CTPS1: variants seen among roughly 807,000 people sequenced by gnomAD.
CTPS1 encodes the protein CTP synthetase 1.
CTPS1 carries 25 observed loss-of-function variants against 80.5 expected under a neutral mutation model. The ratio of observed to expected loss-of-function variants is 0.31; its 90% CI spans 0.23 to 0.43. The LOEUF is 0.43. Ranked by LOEUF, CTPS1 falls within the 20% of genes least tolerant of loss-of-function variation. CTPS1 has a pLI of 1.00. For synonymous variants in CTPS1, 267 were observed against 252.5 expected (o/e 1.06, Z -0.54); for missense variants, 442 against 725.7 (o/e 0.61, Z 4.49).
intron 16 of CTPS1, 98 bp downstream of exon 16, chr1:41,008,988 CAG>C (rs1199187790): frequency 1.0e-6 from 1 of 974,346 alleles, no homozygotes; most frequent in South Asian, 1.4e-5. Context: ...CCTGACCTAA[CAG>C]AATTAGGAAG....
chr1:41,012,371 C>T lies in CTPS1; in HGVS notation c.*723C>T, dbSNP rs965631175. The T allele has an allele frequency of 2.0e-5, 3 of 152,306 alleles. No homozygotes were observed. The highest frequency in any genetic ancestry group is 2.9e-5 in the Non-Finnish European group (2 of 68,028). The allele number at this position is 152,306 out of a possible 1,614,324, so 9.4% of individuals were successfully genotyped here. On this transcript the variant is annotated 3_prime_UTR_variant, in exon 19 of 19. Coordinates refer to ENST00000650070, the MANE Select transcript of CTPS1 (RefSeq NM_001905.4). ...CTTTTGGGGGAAACTTCCTCTAAAA[C>T]CCTCTCATATATAGACAGCTTTGAC...
intron 4 of CTPS1, 128 bp from the exon 5 acceptor site, chr1:40,988,466 T>G: frequency 1.5e-6 from 1 of 661,992 alleles, no homozygotes; most frequent in Non-Finnish European, 2.7e-6. Flanking sequence ...ACTAACATTA[T>G]ACAGGGTTAG....
intron 14 of CTPS1, among the ~76,000 whole-genome samples, chr1:41,008,160 G>A (rs1286917498): frequency 6.6e-5 from 10 of 152,130 alleles, no homozygotes; most frequent in Admixed American, 5.2e-4. Flanking sequence ...TGGGGATCTC[G>A]AGGCAACTGT....
chr1:40,992,574 T>G (rs943361279), intron 7 of CTPS1, among the ~76,000 whole-genome samples: 4 of 152,094 alleles, frequency 2.6e-5, no homozygotes, highest in Admixed American at 2.0e-4. Context: ...GAAATTCTAG[T>G]GGTGATACAT....
At chr1:40,992,091 C>T (rs144889320) in intron 7 of CTPS1, among the ~76,000 whole-genome samples, 43 of 152,264 alleles carry the variant, frequency 2.8e-4, no homozygotes, top group African/African-American at 9.9e-4. Context: ...TTCGGTTCCC[C>T]TAGTACCCTC....
intron 2 of CTPS1, 22 bp downstream of exon 2, chr1:40,983,478 A>T: frequency 6.3e-7 from 1 of 1,576,846 alleles, no homozygotes; most frequent in Non-Finnish European, 8.6e-7. Context: ...GGATTTCTTC[A>T]TAATAATTGC....
chr1:40,986,700 G>A (rs781181691), intron 3 of CTPS1, among the ~76,000 whole-genome samples: 2 of 152,204 alleles, frequency 1.3e-5, no homozygotes, highest in African/African-American at 4.8e-5. Context: ...GATTTTTGAA[G>A]TGTTGAGCAA....
chr1:40,986,003 A>G (rs1335425087), intron 3 of CTPS1, among the ~76,000 whole-genome samples: 3 of 152,220 alleles, frequency 2.0e-5, no homozygotes, highest in Non-Finnish European at 4.4e-5. Flanking sequence ...TTTGCTGTTT[A>G]TTTATTCATC....
chr1:40,994,965 T>G (rs1642714883), intron 7 of CTPS1, among the ~76,000 whole-genome samples: 1 of 152,212 alleles, frequency 6.6e-6, no homozygotes, highest in South Asian at 2.1e-4. Flanking sequence ...TTAAATTTCC[T>G]AACACAGTAG....
chr1:40,997,273 A>G, intron 8 of CTPS1, 121 bp from the exon 9 acceptor site: 2 of 1,210,506 alleles, frequency 1.7e-6, no homozygotes, highest in East Asian at 2.4e-5. Context: ...GGATTATAGG[A>G]TTATGGGCGT....
intron 7 of CTPS1, among the ~76,000 whole-genome samples, chr1:40,993,927 C>T (rs1413782296): frequency 6.6e-6 from 1 of 151,884 alleles, no homozygotes; most frequent in Non-Finnish European, 1.5e-5. Context: ...TACAGGCATG[C>T]ACCACCACAC....
chr1:40,986,786 C>T (rs1467042725), intron 3 of CTPS1, among the ~76,000 whole-genome samples: 2 of 152,100 alleles, frequency 1.3e-5, no homozygotes, highest in African/African-American at 4.8e-5. Flanking sequence ...ACAAAATTTC[C>T]ACAGCTTAAC....
intron 9 of CTPS1, among the ~76,000 whole-genome samples, chr1:40,998,416 A>C (rs111552781): frequency 0.14 from 20,683 of 148,356 alleles, 1,886 homozygotes; most frequent in Non-Finnish European, 0.2. Context: ...AAAAAAAAAA[A>C]AAAAAACATG....
chr1:40,992,537 A>G (rs990190630), intron 7 of CTPS1, among the ~76,000 whole-genome samples: 1 of 152,170 alleles, frequency 6.6e-6, no homozygotes, highest in Non-Finnish European at 1.5e-5. Flanking sequence ...GGAACCTGTA[A>G]TGTATCTAAG....
intron 3 of CTPS1, among the ~76,000 whole-genome samples, chr1:40,985,218 G>A (rs575356850): frequency 6.6e-6 from 1 of 152,202 alleles, no homozygotes; most frequent in African/African-American, 2.4e-5. Flanking sequence ...CTACTTCTTC[G>A]TTGAAGCTTG....
intron 16 of CTPS1, among the ~76,000 whole-genome samples, chr1:41,009,153 T>G (rs1224925079): frequency 6.6e-6 from 1 of 152,134 alleles, no homozygotes; most frequent in Non-Finnish European, 1.5e-5. Flanking sequence ...CTAAAGCCAC[T>G]TCAGCCCTCT....
chr1:40,992,012 A>C (rs74068299), intron 7 of CTPS1, among the ~76,000 whole-genome samples, 167 bp downstream of exon 7: 1,843 of 152,210 alleles, frequency 0.012, 45 homozygotes, highest in African/African-American at 0.042. Context: ...TCCCCAAACA[A>C]CACCTGTGTC....
In CTPS1 at chr1:40,991,263, T is replaced by C. The variant is rs769709248; in HGVS notation, c.639+15T>C. The C allele has an allele frequency of 6.4e-7, 1 of 1,559,884 alleles. No homozygotes were observed. The highest frequency in any genetic ancestry group is 1.2e-5 in the South Asian group (1 of 82,998). On this transcript the variant is annotated intron_variant, in intron 6 of 18. Coordinates refer to ENST00000650070, the MANE Select transcript of CTPS1 (RefSeq NM_001905.4). The stretch of plus-strand genomic sequence containing the variant: ...CCCCAGATCTGGTAAGATTTCCTGA[T>C]AGCTGGTTGCAGTGTAATCTTTTAT...
intron 16 of CTPS1, among the ~76,000 whole-genome samples, chr1:41,009,136 GTT>G (rs1293668375): frequency 1.3e-5 from 2 of 152,128 alleles, no homozygotes; most frequent in Non-Finnish European, 2.9e-5. Flanking sequence ...AATGCTTGGA[GTT>G]GGTACTAAAG....
Sources: gnomAD v4.1 joint callset for allele counts (sites outside exome capture counted in the v4.1 genomes callset) on GRCh38, gnomAD v4.1.1 for gene constraint, MANE v1.5 for transcripts, NCBI Gene and HGNC (gene_info 2026-07-23, HGNC 2026-07-21) for gene names.